Variants in SHROOM4 observed in about 807,000 individuals in gnomAD.
The protein encoded by SHROOM4 is protein Shroom4.
A neutral mutation model predicts 80.3 loss-of-function variants in SHROOM4; 17 were observed. The observed-to-expected ratio is 0.21, with a 90% CI of 0.14 to 0.32. The LOEUF is 0.32. Ranked by LOEUF, SHROOM4 falls within the 10% of genes least tolerant of loss-of-function variation. The probability of loss-of-function intolerance (pLI) is 1.00; values close to 1 mark genes in which losing one functional copy is unlikely to be tolerated. For synonymous variants in SHROOM4, 400 were observed against 437.5 expected, an observed-to-expected ratio of 0.91 and a Z score of 1.07; for missense variants, 993 against 1,140.3, an observed-to-expected ratio of 0.87 and a Z score of 1.86.
At chrX:50,722,505 T>A (rs1934139189) in intron 1 of SHROOM4, among the ~76,000 whole-genome samples, 1 of 110,725 alleles carries the variant, frequency 9.0e-6, no homozygotes, top group Non-Finnish European at 1.9e-5. Context: ...ACCAAGGAAA[T>A]TAAAGCATTA....
intron 1 of SHROOM4, among the ~76,000 whole-genome samples, chrX:50,807,302 A>G (rs782685550): frequency 8.9e-6 from 1 of 112,321 alleles, no homozygotes; most frequent in Admixed American, 9.5e-5. Context: ...TTCCAGGTAC[A>G]GACAGAAGAA....
intron 2 of SHROOM4, among the ~76,000 whole-genome samples, chrX:50,648,784 C>T (rs782186564): frequency 8.9e-6 from 1 of 112,056 alleles, no homozygotes; most frequent in Non-Finnish European, 1.9e-5. Context: ...TTATAAGGCA[C>T]AGAGGAAGTG....
At chrX:50,622,217 G>A (rs1413660146) in intron 5 of SHROOM4, among the ~76,000 whole-genome samples, 2 of 111,572 alleles carry the variant, frequency 1.8e-5, no homozygotes, top group African/African-American at 6.5e-5. Context: ...TCTGAGTCTT[G>A]GCTTCCTCAT....
intron 2 of SHROOM4, among the ~76,000 whole-genome samples, chrX:50,640,287 C>T (rs782362177): frequency 4.5e-5 from 5 of 111,070 alleles, no homozygotes; most frequent in Non-Finnish European, 7.6e-5. Flanking sequence ...GTTTAAAGTG[C>T]GGGCAGTCAG....
At chrX:50,655,773 T>A (rs1023532062) in intron 2 of SHROOM4, among the ~76,000 whole-genome samples, 8 of 110,131 alleles carry the variant, frequency 7.3e-5, no homozygotes, top group Non-Finnish European at 1.5e-4. Context: ...TTGCTTTAGA[T>A]ATATACCCAG....
At chrX:50,715,792 G>GT (rs1357785660) in intron 1 of SHROOM4, among the ~76,000 whole-genome samples, 1 of 107,804 alleles carries the variant, frequency 9.3e-6, no homozygotes, top group African/African-American at 3.4e-5. Context: ...ATGAAAAACG[G>GT]TATCAAGGTT....
chrX:50,632,116 C>T (rs1273701103), intron 4 of SHROOM4, among the ~76,000 whole-genome samples: 1 of 111,362 alleles, frequency 9.0e-6, no homozygotes, highest in African/African-American at 3.3e-5. Context: ...GTCACCACCC[C>T]ACAAGTTCCC....
At chrX:50,585,721 G>A (rs1928746415), downstream of SHROOM4, among the ~76,000 whole-genome samples, 1 of 111,591 alleles carries the variant, frequency 9.0e-6, no homozygotes, top group Non-Finnish European at 1.9e-5. Context: ...AGGTCACAGA[G>A]TGAGAAGGGC....
chrX:50,759,496 G>T (rs1026402174), intron 1 of SHROOM4, among the ~76,000 whole-genome samples: 5 of 111,833 alleles, frequency 4.5e-5, no homozygotes, highest in African/African-American at 1.6e-4. Context: ...GATATTTTCA[G>T]ACAACCAACT....
Position 50,635,118 on chromosome X carries a change from C to T in SHROOM4, c.955G>A (p.Ala319Thr), listed in dbSNP as rs1309971120. ...EKLSLEPVLP[A>T]RNPNRFCCLS... is the part of the protein sequence containing the mutation. ...CAACAGAACCTATTAGGGTTCCTTG[C>T]GGGTAGCACAGGCTCTAAGCTCAGT... Residue 319 changes from alanine (A) to threonine (T), a missense_variant, in exon 4 of 9, where the codon GCA (alanine) becomes ACA (threonine). Coordinates refer to ENST00000376020, the MANE Select transcript of SHROOM4 (RefSeq NM_020717.5). 27 of 1,211,288 alleles carry T rather than the reference C, an allele frequency of 2.2e-5. No individual in the cohort carries two copies. The highest frequency in any genetic ancestry group is 7.0e-5 in the South Asian group (4 of 56,798).
chrX:50,714,798 T>G (rs2147500593), intron 1 of SHROOM4, among the ~76,000 whole-genome samples: 1 of 111,974 alleles, frequency 8.9e-6, no homozygotes, highest in African/African-American at 3.2e-5. Context: ...CAACCAGTTA[T>G]TAGAGGCTCA....
At position 50,635,015 on chromosome X, in the gene SHROOM4, T is replaced by C; in HGVS notation, c.1058A>G (p.Gln353Arg). ...CTGCATCAGTAGATGCTCAGAGCCC[T>C]GTTGGCTGGATTCAGGAGGCTGACT... ...EFSQPPESSQ[Q>R]GSEHLLMQAS... is the part of the protein sequence containing the mutation. Residue 353 changes from glutamine (Q) to arginine (R), a missense_variant, in exon 4 of 9, where the codon CAG becomes CGG. Gln to Arg is a conservative substitution (Grantham distance 43). Transcript: ENST00000376020. 3 of 1,212,301 alleles carry C rather than the reference T, an allele frequency of 2.5e-6. No homozygotes were observed. Among genetic ancestry groups the C allele is most frequent in the Non-Finnish European group, 3.3e-6 (3 of 895,646 alleles).
chrX:50,764,241 T>A (rs1935221390), intron 1 of SHROOM4, among the ~76,000 whole-genome samples: 1 of 111,090 alleles, frequency 9.0e-6, no homozygotes, highest in African/African-American at 3.3e-5. Flanking sequence ...ATGGGGATGG[T>A]AGCCCCATCT....
At chrX:50,638,571 G>A (rs1364641703) in intron 2 of SHROOM4, among the ~76,000 whole-genome samples, 1 of 112,193 alleles carries the variant, frequency 8.9e-6, no homozygotes, top group Admixed American at 9.4e-5. Flanking sequence ...CATAGTAGAT[G>A]TTCAATAAAT....
chrX:50,780,285 A>G (rs1461319933), intron 1 of SHROOM4, among the ~76,000 whole-genome samples: 1 of 111,812 alleles, frequency 8.9e-6, no homozygotes, highest in Non-Finnish European at 1.9e-5. Context: ...GGAAAATTGC[A>G]TTGCAACCTC....
intron 2 of SHROOM4, among the ~76,000 whole-genome samples, chrX:50,686,786 C>T (rs1389259551): frequency 9.0e-6 from 1 of 111,465 alleles, no homozygotes; most frequent in African/African-American, 3.3e-5. Context: ...GAGTCAAACA[C>T]AACAGATTTA....
At chrX:50,647,952 T>C (rs1557258149) in intron 2 of SHROOM4, among the ~76,000 whole-genome samples, 1 of 112,078 alleles carries the variant, frequency 8.9e-6, no homozygotes, top group East Asian at 2.8e-4. Flanking sequence ...GGGAGGTGCA[T>C]AGGCCAGATC....
At chrX:50,672,119 A>C (rs1192730526) in intron 2 of SHROOM4, among the ~76,000 whole-genome samples, 4 of 112,222 alleles carry the variant, frequency 3.6e-5, no homozygotes, top group Non-Finnish European at 7.5e-5. Flanking sequence ...GTTTGACATC[A>C]ATTCAGTTTG....
intron 1 of SHROOM4, among the ~76,000 whole-genome samples, chrX:50,806,189 G>A (rs111740912): frequency 9.0e-6 from 1 of 111,705 alleles, no homozygotes; most frequent in Non-Finnish European, 1.9e-5. Context: ...AAGAAGGACA[G>A]CCTAGATGCA....
Sources: allele counts gnomAD v4.1 joint callset (sites outside exome capture counted in the v4.1 genomes callset), GRCh38; gene constraint gnomAD v4.1.1; transcripts MANE v1.5; gene names NCBI Gene and HGNC (gene_info 2026-07-23, HGNC 2026-07-21).